Variants in SPTB observed in about 807,000 individuals in gnomAD.
SPTB encodes spectrin beta, erythrocytic.
Under a neutral mutation model 256.2 loss-of-function variants are expected in SPTB, and 45 were observed. That is an observed-to-expected ratio of 0.18 (90% CI 0.14 to 0.23). The LOEUF is 0.23. SPTB is among the 10% of genes least tolerant of loss of function. The pLI is 1.00. For missense variants in SPTB, 2,715 were observed against 3,040.4 expected, an observed-to-expected ratio of 0.89 and a Z score of 2.52; for synonymous variants, 1,231 against 1,243.1, an observed-to-expected ratio of 0.99 and a Z score of 0.21.
rs564694710 is a variant in SPTB at position 64,763,884 on chromosome 14, A to C, written c.6345+2842T>G. 9.3e-5 allele frequency: 48 copies of C among 518,912 alleles called. No individual in the cohort carries two copies. The Admixed American group carries it at 9.3e-4, about 10-fold the overall frequency. The allele number at this position is 518,912 out of a possible 1,614,324, so 32.1% of individuals were successfully genotyped here. A position where few individuals can be genotyped will look rare whatever the true frequency, so the allele number is the denominator to read the frequency against. ...GGCTGATGTGTGGGATGGCAGCTTC[A>C]GTCACCACGTGCACACACACGTGGG... On this transcript the variant is annotated intron_variant, in intron 32 of 35. Transcript: ENST00000644917.
In SPTB at chr14:64,806,561, G is replaced by A. The variant is rs2082987763; in HGVS notation, c.149-1471C>T. Among the ~76,000 whole-genome samples the A allele has an allele frequency of 6.6e-6, 1 of 152,224 alleles. No homozygotes were observed. Among genetic ancestry groups the A allele is most frequent in the Non-Finnish European group, 1.5e-5 (1 of 68,046 alleles). On this transcript the variant is annotated intron_variant, in intron 2 of 35. Transcript: ENST00000644917. The surrounding 1 kb of genome is among the most constrained non-coding windows in gnomAD (Gnocchi z 4.1). ...GGAGCTTAGCCAGTTCTGCCTCAAG[G>A]GTAGAATCCTGGCAGTTCCTGAGGC...
chr14:64,803,000 T>C lies in SPTB; in HGVS notation c.474+607A>G, dbSNP rs115577195. Among the ~76,000 whole-genome samples the C allele has an allele frequency of 0.017, 2,599 of 152,298 alleles. 89 individuals carry two copies. The highest frequency in any genetic ancestry group is 0.06 in the African/African-American group (2,483 of 41,552). ...CTGCTGCTATTGTTGTTCAATGTTA[T>C]GCACCCATGGAGAGTGAGATCGGAC... On this transcript the variant is annotated intron_variant, in intron 4 of 35. Coordinates refer to ENST00000644917, the MANE Select transcript of SPTB (RefSeq NM_001355436.2). This position sits in a 1 kb window ranked among gnomAD's most constrained non-coding sequence, Gnocchi z 5.1.
At chr14:64,770,507 G>T (rs1481518939) in intron 27 of SPTB, among the ~76,000 whole-genome samples, 2 of 152,108 alleles carry the variant, frequency 1.3e-5, no homozygotes, top group Non-Finnish European at 2.9e-5. Flanking sequence ...CCTGAGTTTT[G>T]GGGGAAGGGC....
chr14:64,753,031 A>C (rs1252463678), intron 33 of SPTB, among the ~76,000 whole-genome samples: 1 of 152,162 alleles, frequency 6.6e-6, no homozygotes, highest in Non-Finnish European at 1.5e-5. Flanking sequence ...TCTGGGGGGC[A>C]ACTAGGCCAT....
rs34353769 is a variant in SPTB, at chr14:64,748,936, CTT to C, written c.*368_*369del. ...AGAACCCCATCAGCCTTCTCCAGCT[CTT>C]TTTTTTTTTTTTTTTTGGTTGGGGG... On this transcript the variant is annotated 3_prime_UTR_variant, in exon 36 of 36. Coordinates refer to ENST00000644917, the MANE Select transcript of SPTB (RefSeq NM_001355436.2). 0.01 allele frequency: 1,322 copies of C among 128,666 alleles called. No homozygotes were observed. Among genetic ancestry groups the C allele is most frequent in the Middle Eastern group, 0.033 (8 of 242 alleles). 8.0% of individuals were successfully genotyped at this position (128,666 alleles called of 1,614,324 possible).
Position 64,841,757 on chromosome 14 carries a change from T to TATATATA in SPTB, c.-51-18613_-51-18612insTATATAT, listed in dbSNP as rs200217417. On this transcript the variant is annotated intron_variant, in intron 1 of 35. Transcript: ENST00000644917. The surrounding 1 kb of genome is among the most constrained non-coding windows in gnomAD (Gnocchi z 4.6). ...TGACATCCCATATATATATATATAT[T>TATATATA]TTTTAAGGGTCTTTCTTTAACACAG... Among the ~76,000 whole-genome samples the TATATATA allele has an allele frequency of 1.1e-3, 163 of 151,324 alleles. 1 individual carries two copies. The highest frequency in any genetic ancestry group is 6.8e-3 in the Middle Eastern group (2 of 294).
chr14:64,817,456 AT>A (rs2083212113), intron 2 of SPTB, among the ~76,000 whole-genome samples: 1 of 152,262 alleles, frequency 6.6e-6, no homozygotes, highest in South Asian at 2.1e-4. Flanking sequence ...AAGCAAAAAC[AT>A]TACAAACCTC....
intron 2 of SPTB, among the ~76,000 whole-genome samples, chr14:64,809,451 T>A (rs189955420): frequency 2.1e-3 from 323 of 151,906 alleles, no homozygotes; most frequent in African/African-American, 7.7e-3. Context: ...GTTCAAGCGA[T>A]TCTCTTGCCT....
intron 15 of SPTB, 148 bp from the exon 16 acceptor site, chr14:64,787,308 AC>A: frequency 9.3e-7 from 1 of 1,077,062 alleles, no homozygotes; most frequent in Non-Finnish European, 1.3e-6. Context: ...AATCTACCTA[AC>A]GAAGTGTAGG....
intron 2 of SPTB, among the ~76,000 whole-genome samples, chr14:64,817,657 A>AGC (rs1019479789): frequency 1.3e-5 from 2 of 152,210 alleles, no homozygotes; most frequent in African/African-American, 2.4e-5. Context: ...CTGGACACAA[A>AGC]GCCCTCCTAG....
In SPTB at chr14:64,795,871, C is replaced by A. The variant is rs2139604365; in HGVS notation, c.1342-232G>T. ...TTCATGATTTTACTCCCCGTGCCAC[C>A]CGCGTGGGAGATGCAGCCTGCGTGT... On this transcript the variant is annotated intron_variant, in intron 11 of 35. Transcript: ENST00000644917. This position sits in a 1 kb window ranked among gnomAD's most constrained non-coding sequence, Gnocchi z 6.5. 6.6e-6 allele frequency among the ~76,000 whole-genome samples: 1 copy of A among 152,276 alleles called. No homozygotes were observed. The highest frequency in any genetic ancestry group is 2.4e-5 in the African/African-American group (1 of 41,544).
intron 2 of SPTB, among the ~76,000 whole-genome samples, chr14:64,805,821 T>C (rs762605160): frequency 3.9e-5 from 6 of 151,966 alleles, no homozygotes; most frequent in Admixed American, 6.6e-5. Context: ...GGGAGGAAAA[T>C]GATGAGCAAG....
chr14:64,764,004 C>T lies in SPTB; in HGVS notation c.6345+2722G>A, dbSNP rs897768080. 2.6e-5 allele frequency among the ~76,000 whole-genome samples: 4 copies of T among 152,326 alleles called. No homozygotes were observed. Among genetic ancestry groups the T allele is most frequent in the Non-Finnish European group, 4.4e-5 (3 of 68,026 alleles). On this transcript the variant is annotated intron_variant, in intron 32 of 35. Transcript: ENST00000644917. The surrounding 1 kb of genome is among the most constrained non-coding windows in gnomAD (Gnocchi z 4.2). ...GTCCACTCCCATCAGTTCCCCCCAG[C>T]AGGAAGCCGACATGCACAGTGAGGG...
chr14:64,831,899 G>A (rs229611), intron 1 of SPTB, among the ~76,000 whole-genome samples: 57,417 of 152,112 alleles, frequency 0.38, 14,540 homozygotes, highest in African/African-American at 0.72. Flanking sequence ...ATATATGCAT[G>A]TAAGCCAATA....
At chr14:64,833,171 G>A (rs74056067) in intron 1 of SPTB, among the ~76,000 whole-genome samples, 1,571 of 152,268 alleles carry the variant, frequency 0.01, 32 homozygotes, top group African/African-American at 0.036. Flanking sequence ...TGCACATGCT[G>A]TTTCCTAAGC....
In SPTB at chr14:64,763,507, C is replaced by T. The variant is rs929422144; in HGVS notation, c.6345+3219G>A. Among the ~76,000 whole-genome samples, 4 of 152,238 alleles carry T rather than the reference C, an allele frequency of 2.6e-5. 1 individual carries two copies. The highest frequency in any genetic ancestry group is 5.9e-5 in the Non-Finnish European group (4 of 68,038). On this transcript the variant is annotated intron_variant, in intron 32 of 35. Transcript: ENST00000644917. Reference sequence around the variant, plus strand: ...GCAAGAGGAAAGTGGTGAAAACCACCTCTCCCAGCCCCTCCCTGTAATTTG... The same window carrying T: ...GCAAGAGGAAAGTGGTGAAAACCACTTCTCCCAGCCCCTCCCTGTAATTTG...
Position 64,764,858 on chromosome 14 carries a change from C to T in SPTB, c.6345+1868G>A, listed in dbSNP as rs904670996. On this transcript the variant is annotated intron_variant, in intron 32 of 35. Transcript: ENST00000644917. The surrounding 1 kb of genome is among the most constrained non-coding windows in gnomAD (Gnocchi z 4.2). The stretch of plus-strand genomic sequence containing the variant: ...AAAAAGGGGCTGGGACACAGTCCAC[C>T]ACAGACAGGGAGGCGACCCCACATG... 3.9e-5 allele frequency among the ~76,000 whole-genome samples: 6 copies of T among 152,090 alleles called. No homozygotes were observed. The highest frequency in any genetic ancestry group is 2.9e-5 in the Non-Finnish European group (2 of 68,018).
rs1037629845 is a variant in SPTB, at chr14:64,759,187, C to T, written c.6346-5394G>A. The stretch of plus-strand genomic sequence containing the variant: ...TCCATGGCCCTGCTTCCTATCCACA[C>T]AATGCCTCTGAAATCGGAAAGGGCA... On this transcript the variant is annotated intron_variant, in intron 32 of 35. Coordinates refer to ENST00000644917, the MANE Select transcript of SPTB (RefSeq NM_001355436.2). The surrounding 1 kb of genome is among the most constrained non-coding windows in gnomAD (Gnocchi z 4.8). 6.6e-6 allele frequency among the ~76,000 whole-genome samples: 1 copy of T among 152,202 alleles called. No individual in the cohort carries two copies. Among genetic ancestry groups the T allele is most frequent in the African/African-American group, 2.4e-5 (1 of 41,432 alleles).
At position 64,853,407 on chromosome 14, in the gene SPTB, A is replaced by G. The variant is rs2083817047; in HGVS notation, c.-52+26385T>C. Among the ~76,000 whole-genome samples the G allele has an allele frequency of 6.6e-6, 1 of 152,206 alleles. No individual in the cohort carries two copies. Among genetic ancestry groups the G allele is most frequent in the African/African-American group, 2.4e-5 (1 of 41,440 alleles). On this transcript the variant is annotated intron_variant, in intron 1 of 35. Transcript: ENST00000644917. This position sits in a 1 kb window ranked among gnomAD's most constrained non-coding sequence, Gnocchi z 4.3. ...CCATCAAAGAACAAAGCAATTTAGG[A>G]GATAACCATATCAGGAAGCCTCAGG...
Sources: allele counts gnomAD v4.1 joint callset (sites outside exome capture counted in the v4.1 genomes callset), GRCh38; gene constraint gnomAD v4.1.1; non-coding constraint Gnocchi (gnomAD v3.1); transcripts MANE v1.5; gene names NCBI Gene and HGNC (gene_info 2026-07-23, HGNC 2026-07-21).